Variants in ZBTB20 observed in about 807,000 individuals in gnomAD.
The protein encoded by ZBTB20 is zinc finger and BTB domain containing 20.
In ZBTB20, 9 loss-of-function variants were observed where a neutral mutation model predicts 56.9. That is an observed-to-expected ratio of 0.16 (90% CI 0.10 to 0.28). The LOEUF is 0.28. ZBTB20 is among the 10% of genes least tolerant of loss of function. The pLI, the probability that ZBTB20 is intolerant of heterozygous loss-of-function variation, is 1.00. For synonymous variants in ZBTB20, 417 were observed against 420.7 expected, an observed-to-expected ratio of 0.99 and a Z score of 0.11; for missense variants, 655 against 1,003.0, an observed-to-expected ratio of 0.65 and a Z score of 4.69.
intron 6 of ZBTB20, among the ~76,000 whole-genome samples, chr3:114,505,176 G>A (rs187645611): frequency 3.3e-4 from 51 of 152,268 alleles, no homozygotes; most frequent in Middle Eastern, 3.4e-3. Flanking sequence ...CAGAATCTGG[G>A]TCGTCAGACT....
chr3:114,425,848 A>G (rs923819083), intron 7 of ZBTB20, among the ~76,000 whole-genome samples: 1 of 152,158 alleles, frequency 6.6e-6, no homozygotes, highest in Admixed American at 6.5e-5. Flanking sequence ...CTGCTATACA[A>G]ATTCTGTGTA....
chr3:115,137,659 G>A (rs187163044), intron 1 of ZBTB20, among the ~76,000 whole-genome samples: 2 of 152,132 alleles, frequency 1.3e-5, no homozygotes, highest in African/African-American at 4.8e-5. Flanking sequence ...TGGGAAGGAG[G>A]AGACAAAAGC....
In ZBTB20 at chr3:114,315,568, AGTGTGT is replaced by A. The variant is rs60383315; in HGVS notation, c.*23431_*23436del. ...GTGTGTATTTTAGGTCTAAACATAC[AGTGTGT>A]GTGTGTGTGTGTGTGTGTGTGTGTG... On this transcript the variant is annotated 3_prime_UTR_variant, in exon 12 of 12. Coordinates refer to ENST00000675478, the MANE Select transcript of ZBTB20 (RefSeq NM_001348800.3). 4,629 of 147,682 alleles carry A rather than the reference AGTGTGT, an allele frequency of 0.031. 133 individuals are homozygous for A. The highest frequency in any genetic ancestry group is 0.1 in the Middle Eastern group (30 of 294). The allele number at this position is 147,682 out of a possible 1,614,324, so 9.1% of individuals were successfully genotyped here. A position where few individuals can be genotyped will look rare whatever the true frequency, so the allele number is the denominator to read the frequency against.
At position 114,857,914 on chromosome 3, in the gene ZBTB20, T is replaced by A. The variant is rs769725965; in HGVS notation, c.-417+42390A>T. Among the ~76,000 whole-genome samples, 29 of 152,270 alleles carry A rather than the reference T, an allele frequency of 1.9e-4. No individual in the cohort carries two copies. In the South Asian group the frequency reaches 3.7e-3, roughly 20 times the overall value. Reference sequence around the variant, plus strand: ...TGCTAGGCCAATCCCTTTGTTCCACTTAAAAATAAAATCGGATTCCTCTTG... The same window carrying A: ...TGCTAGGCCAATCCCTTTGTTCCACATAAAAATAAAATCGGATTCCTCTTG... On this transcript the variant is annotated intron_variant, in intron 4 of 11. Transcript: ENST00000675478.
chr3:114,746,178 C>A (rs1343540291), intron 5 of ZBTB20, among the ~76,000 whole-genome samples: 2 of 152,182 alleles, frequency 1.3e-5, no homozygotes, highest in Non-Finnish European at 2.9e-5. Context: ...CTTCCCACCA[C>A]CCCTACTTAA....
intron 5 of ZBTB20, among the ~76,000 whole-genome samples, chr3:114,751,521 T>A (rs1211867802): frequency 6.6e-6 from 1 of 152,148 alleles, no homozygotes. Context: ...TTGTTTGCTA[T>A]TATGCTAAAT....
chr3:114,645,107 G>A (rs1286309222), intron 6 of ZBTB20, among the ~76,000 whole-genome samples: 1 of 151,960 alleles, frequency 6.6e-6, no homozygotes, highest in African/African-American at 2.4e-5. Context: ...AAAGTTTAAA[G>A]ACATACGAAA....
At chr3:114,995,882 C>A (rs1459748078) in intron 2 of ZBTB20, among the ~76,000 whole-genome samples, 1 of 151,768 alleles carries the variant, frequency 6.6e-6, no homozygotes, top group African/African-American at 2.4e-5. Flanking sequence ...GTGTTAGTCA[C>A]GTATGCCAGT....
chr3:114,614,593 A>AGGATTTTTCAAACCC (rs2057789094), intron 6 of ZBTB20, among the ~76,000 whole-genome samples: 1 of 152,190 alleles, frequency 6.6e-6, no homozygotes, highest in African/African-American at 2.4e-5. Flanking sequence ...TTTCTGAACC[A>AGGATTTTTCAAACCC]TGATAATTCT....
intron 7 of ZBTB20, among the ~76,000 whole-genome samples, chr3:114,420,106 C>G (rs905090072): frequency 6.6e-6 from 1 of 152,136 alleles, no homozygotes. Flanking sequence ...TGAAAACTCT[C>G]ATTACCTGAG....
chr3:114,992,586 C>A (rs2078863095), intron 2 of ZBTB20, among the ~76,000 whole-genome samples: 1 of 151,790 alleles, frequency 6.6e-6, no homozygotes, highest in South Asian at 2.1e-4. Flanking sequence ...AGCACCATAG[C>A]CACATATATC....
intron 6 of ZBTB20, among the ~76,000 whole-genome samples, chr3:114,543,954 C>T (rs970960178): frequency 2.0e-5 from 3 of 152,158 alleles, no homozygotes; most frequent in Admixed American, 6.5e-5. Context: ...TCCCTTTTCA[C>T]TCCAGGAAAC....
intron 4 of ZBTB20, among the ~76,000 whole-genome samples, chr3:114,899,031 C>T (rs1283066437): frequency 6.6e-6 from 1 of 152,024 alleles, no homozygotes; most frequent in Non-Finnish European, 1.5e-5. Flanking sequence ...ATATAGATAT[C>T]TGTCAGAAAA....
At chr3:114,671,092 T>C (rs1560108229) in intron 6 of ZBTB20, among the ~76,000 whole-genome samples, 2 of 152,108 alleles carry the variant, frequency 1.3e-5, no homozygotes, top group African/African-American at 4.8e-5. Context: ...ATGGAATCAG[T>C]TAGTTAGATT....
chr3:114,871,924 C>A (rs2107542518), intron 4 of ZBTB20, among the ~76,000 whole-genome samples: 1 of 152,204 alleles, frequency 6.6e-6, no homozygotes, highest in South Asian at 2.1e-4. Flanking sequence ...CCCTTCTTGT[C>A]TTCGTTTCTG....
intron 6 of ZBTB20, among the ~76,000 whole-genome samples, chr3:114,658,050 AT>A (rs1481596998): frequency 6.6e-6 from 1 of 152,170 alleles, no homozygotes; most frequent in Non-Finnish European, 1.5e-5. Context: ...AGACAAGACT[AT>A]TTTTTAACCT....
At chr3:114,740,168 A>G (rs894208395) in intron 5 of ZBTB20, among the ~76,000 whole-genome samples, 1 of 152,214 alleles carries the variant, frequency 6.6e-6, no homozygotes, top group Non-Finnish European at 1.5e-5. Context: ...GAAATAAAAT[A>G]TAACTGTTGC....
intron 10 of ZBTB20, 121 bp from the exon 11 acceptor site, chr3:114,351,999 C>G (rs918410177): frequency 7.9e-7 from 1 of 1,266,114 alleles, no homozygotes; most frequent in South Asian, 1.5e-5. Flanking sequence ...CCCTTACATA[C>G]GCAAGTGGGG....
At chr3:114,975,610 C>G (rs1223947325) in intron 2 of ZBTB20, among the ~76,000 whole-genome samples, 3 of 152,096 alleles carry the variant, frequency 2.0e-5, no homozygotes, top group Non-Finnish European at 4.4e-5. Context: ...TGGGGTGCAT[C>G]AGCATTATTA....
Sources: gnomAD v4.1 joint callset for allele counts (sites outside exome capture counted in the v4.1 genomes callset) on GRCh38, gnomAD v4.1.1 for gene constraint, MANE v1.5 for transcripts, NCBI Gene and HGNC (gene_info 2026-07-23, HGNC 2026-07-21) for gene names.